The following NCKAP1L variants were observed in gnomAD, a reference collection of about 807,000 sequenced individuals.
NCKAP1L encodes the protein NCK associated protein 1 like, also known as nck-associated protein 1-like.
In NCKAP1L, 53 loss-of-function variants were observed where a neutral mutation model predicts 139.2. The ratio of observed to expected loss-of-function variants is 0.38; its 90% CI spans 0.31 to 0.48. The LOEUF (loss-of-function observed/expected upper bound fraction) is 0.48. Ranked by LOEUF, NCKAP1L falls within the 20% of genes least tolerant of loss-of-function variation. The probability of loss-of-function intolerance (pLI) is 0.98; values close to 1 mark genes in which losing one functional copy is unlikely to be tolerated. For missense variants in NCKAP1L, 1,151 were observed against 1,381.9 expected (o/e 0.83, Z 2.65); for synonymous variants, 468 against 499.7 (o/e 0.94, Z 0.85).
At chr12:54,518,448 T>C in intron 13 of NCKAP1L, 2 of 640,524 alleles carry the variant, frequency 3.1e-6, no homozygotes, top group South Asian at 1.8e-5. Context: ...TACATAGAAA[T>C]AGGAGAGAAA....
At chr12:54,504,810 A>G (rs2120878903) in intron 3 of NCKAP1L, among the ~76,000 whole-genome samples, 1 of 152,338 alleles carries the variant, frequency 6.6e-6, no homozygotes, top group Middle Eastern at 3.4e-3. Context: ...TAATGCATGG[A>G]CAACATCTAG....
chr12:54,515,359 T>C (rs911045386), intron 9 of NCKAP1L, among the ~76,000 whole-genome samples: 20 of 152,216 alleles, frequency 1.3e-4, no homozygotes, highest in African/African-American at 4.8e-4. Context: ...AGAAAACAAA[T>C]GTAAGGAACA....
chr12:54,512,292 A>G (rs1436458244), intron 9 of NCKAP1L, 187 bp downstream of exon 9: 1 of 522,158 alleles, frequency 1.9e-6, no homozygotes. Context: ...ACAATAATGA[A>G]TAAGACAACA....
intron 13 of NCKAP1L, 67 bp downstream of exon 13, chr12:54,518,005 C>T (rs1956948118): frequency 6.4e-7 from 1 of 1,571,018 alleles, no homozygotes; most frequent in Non-Finnish European, 8.7e-7. Context: ...CCTATTGAAA[C>T]CACTCTGGCT....
rs1380780270 is a variant in NCKAP1L, at chr12:54,499,301, A to G, written c.103-54A>G. 5 of 967,468 alleles carry G rather than the reference A, an allele frequency of 5.2e-6. No individual in the cohort carries two copies. In the South Asian group the frequency reaches 5.2e-5, roughly 10 times the overall value. 59.9% of individuals were successfully genotyped at this position (967,468 alleles called of 1,614,324 possible). On this transcript the variant is annotated intron_variant, in intron 1 of 30. Transcript: ENST00000293373. ...GAGAATGAATGTTGCAAGAAGAGGT[A>G]TGTTTCTGAGGAGGAGGAGAAAGGG... is the stretch of plus-strand genomic sequence containing the variant.
chr12:54,499,823 A>G (rs1244923922), intron 2 of NCKAP1L, among the ~76,000 whole-genome samples: 1 of 152,102 alleles, frequency 6.6e-6, no homozygotes, highest in East Asian at 1.9e-4. Flanking sequence ...TTTGTCTTAG[A>G]TTTCTGCATC....
At position 54,517,889 on chromosome 12, in the gene NCKAP1L, T is replaced by A. The variant is rs1313008976; in HGVS notation, c.1289T>A (p.Leu430His). The A allele has an allele frequency of 6.2e-7, 1 of 1,614,192 alleles. No homozygotes were observed. The highest frequency in any genetic ancestry group is 8.5e-7 in the Non-Finnish European group (1 of 1,180,020). ...RHIKVIQQYH[L>H]QYLARFDALV... is the part of the protein sequence containing the mutation. Reference sequence around the variant, plus strand: ...ATCAAAGTGATACAGCAATACCACCTTCAGTACTTGGCAAGATTTGATGCT... The same window carrying A: ...ATCAAAGTGATACAGCAATACCACCATCAGTACTTGGCAAGATTTGATGCT... Residue 430 changes from leucine (L) to histidine (H), a missense_variant, in exon 13 of 31, where the codon CTT becomes CAT. Physicochemically the swap from Leu to His is moderately conservative, Grantham distance 99 (BLOSUM62 -3). Transcript: ENST00000293373.
intron 16 of NCKAP1L, 53 bp downstream of exon 16, chr12:54,519,385 A>AT (rs1229670230): frequency 7.8e-6 from 10 of 1,282,514 alleles, no homozygotes; most frequent in Non-Finnish European, 9.0e-6. Context: ...TCCTTTTTTC[A>AT]TTTTTTTCTC....
chr12:54,531,132 G>C, intron 22 of NCKAP1L, 128 bp from the exon 23 acceptor site: 1 of 755,356 alleles, frequency 1.3e-6, no homozygotes, highest in East Asian at 2.5e-5. Context: ...GGCTATTTTT[G>C]CTCCTTGACT....
At chr12:54,519,123 C>A in intron 15 of NCKAP1L, 64 bp from the exon 16 acceptor site, 1 of 1,561,842 alleles carries the variant, frequency 6.4e-7, no homozygotes, top group Non-Finnish European at 8.7e-7. Flanking sequence ...AACTGTAATT[C>A]CAAGGCTGGG....
chr12:54,523,008 T>C (rs1380646495), intron 18 of NCKAP1L, among the ~76,000 whole-genome samples: 6 of 152,218 alleles, frequency 3.9e-5, no homozygotes, highest in Non-Finnish European at 8.8e-5. Context: ...TTGTCCCATC[T>C]AGCAAAAAAT....
intron 9 of NCKAP1L, among the ~76,000 whole-genome samples, chr12:54,513,087 G>A (rs1473024581): frequency 1.3e-5 from 2 of 152,242 alleles, no homozygotes; most frequent in East Asian, 1.9e-4. Context: ...TTCAGACAGG[G>A]GAGTGACATG....
Position 54,520,793 on chromosome 12 carries a change from T to C in NCKAP1L, c.1725T>C (p.Phe575=), listed in dbSNP as rs766503584. 1.2e-6 allele frequency: 2 copies of C among 1,614,178 alleles called. No homozygotes were observed. The highest frequency in any genetic ancestry group is 1.7e-6 in the Non-Finnish European group (2 of 1,180,018). ...CTTTCCCCCTGATTTGTGCTCACTT[T>C]GTCCACTGCACTCATGAGATGTGCC... is the stretch of plus-strand genomic sequence containing the variant. ...AIAFPLICAH[F]VHCTHEMCPE... The change falls in exon 17 of 31, where the codon TTT becomes TTC. Residue 575 remains phenylalanine, a synonymous_variant. Transcript: ENST00000293373.
chr12:54,526,578 G>T lies in NCKAP1L; in HGVS notation c.2207G>T (p.Arg736Leu). The T allele has an allele frequency of 6.2e-7, 1 of 1,613,926 alleles. No individual in the cohort carries two copies. The change falls in exon 21 of 31, where the codon CGG becomes CTG. Residue 736 changes from arginine to leucine, a missense_variant. By Grantham distance (102) the Arg-to-Leu change is moderately radical. Coordinates refer to ENST00000293373, the MANE Select transcript of NCKAP1L (RefSeq NM_005337.5). ...AATGCCACGACCCAGGAGATCGTACGGCCTTCTGAGCTGTTGGCAGGAGTC... is the reference window on the plus strand; with the variant it reads ...AATGCCACGACCCAGGAGATCGTACTGCCTTCTGAGCTGTTGGCAGGAGTC... ...GYNATTQEIV[R>L]PSELLAGVKA...
chr12:54,531,916 A>C, intron 25 of NCKAP1L, 91 bp downstream of exon 25: 1 of 1,124,048 alleles, frequency 8.9e-7, no homozygotes, highest in Non-Finnish European at 1.3e-6. Context: ...TGCGGGAATC[A>C]GTTTTAACTT....
chr12:54,523,783 G>A lies in NCKAP1L; in HGVS notation c.2025-42G>A, dbSNP rs768816802. 12 of 1,593,016 alleles carry A rather than the reference G, an allele frequency of 7.5e-6. No homozygotes were observed. In the East Asian group the frequency reaches 2.7e-4, roughly 36 times the overall value. Reference sequence around the variant, plus strand: ...AACACGTCCTTCCTAGACATTAGCAGGCAGTGCCAGACCTGTAATCCAGGC... The same window carrying A: ...AACACGTCCTTCCTAGACATTAGCAAGCAGTGCCAGACCTGTAATCCAGGC... On this transcript the variant is annotated intron_variant, in intron 19 of 30. Coordinates refer to ENST00000293373, the MANE Select transcript of NCKAP1L (RefSeq NM_005337.5).
chr12:54,499,465 G>A lies in NCKAP1L; in HGVS notation c.213G>A (p.Thr71=), dbSNP rs778692151. 3.9e-6 allele frequency: 6 copies of A among 1,528,538 alleles called. No homozygotes were observed. In the Admixed American group the frequency reaches 5.0e-5, roughly 13 times the overall value. The allele number at this position is 1,528,538 out of a possible 1,614,324, so 94.7% of individuals were successfully genotyped here. A position where few individuals can be genotyped will look rare whatever the true frequency, so the allele number is the denominator to read the frequency against. ...KFPNIDVRNS[T]QHLGPVHREK... is the part of the protein sequence containing the mutation. The stretch of plus-strand genomic sequence containing the variant: ...CCAACATAGATGTCCGAAACAGCAC[G>A]GTGAGAACTTGGTCCTTCTCTCCTT... Residue 71 remains threonine, a splice_region_variant and synonymous_variant, in exon 2 of 31, where the codon ACG becomes ACA. Coordinates refer to ENST00000293373, the MANE Select transcript of NCKAP1L (RefSeq NM_005337.5).
intron 20 of NCKAP1L, 69 bp downstream of exon 20, chr12:54,524,025 G>T: frequency 6.7e-7 from 1 of 1,499,934 alleles, no homozygotes; most frequent in Non-Finnish European, 9.0e-7. Context: ...TCTATGTGTA[G>T]TATGGTGGTC....
Position 54,519,246 on chromosome 12 carries a change from G to C in NCKAP1L, c.1539G>C (p.Lys513Asn), listed in dbSNP as rs745715726. The C allele has an allele frequency of 1.3e-6, 2 of 1,588,384 alleles. No individual in the cohort carries two copies. ...LHLHENPDLA[K>N]VMNLIVFHSR... ...TGCATGAGAACCCTGACTTAGCCAA[G>C]GTGATGAACCTCATTGTCTTCCACT... The change falls in exon 16 of 31, where the codon AAG becomes AAC. Residue 513 changes from lysine to asparagine, a missense_variant. Physicochemically the swap from Lys to Asn is moderately conservative, Grantham distance 94. Coordinates refer to ENST00000293373, the MANE Select transcript of NCKAP1L (RefSeq NM_005337.5).
Sources: gnomAD v4.1 joint callset for allele counts (sites outside exome capture counted in the v4.1 genomes callset) on GRCh38, gnomAD v4.1.1 for gene constraint, MANE v1.5 for transcripts, NCBI Gene and HGNC (gene_info 2026-07-23, HGNC 2026-07-21) for gene names.